The following SEMA3C variants were observed in gnomAD, a reference collection of about 807,000 sequenced individuals.
SEMA3C encodes semaphorin 3C, also known as semaphorin-3C.
SEMA3C carries 47 observed loss-of-function variants against 89.4 expected under a neutral mutation model. The ratio of observed to expected loss-of-function variants is 0.53; its 90% CI spans 0.42 to 0.67. SEMA3C has a LOEUF of 0.67. Ranked by LOEUF, SEMA3C falls within the 30% of genes least tolerant of loss-of-function variation. The pLI is 0.00. For missense variants in SEMA3C, 839 were observed against 929.1 expected, an observed-to-expected ratio of 0.90 and a Z score of 1.26; for synonymous variants, 310 against 320.2, an observed-to-expected ratio of 0.97 and a Z score of 0.34.
chr7:80,853,330 A>G (rs946921556), intron 2 of SEMA3C, among the ~76,000 whole-genome samples: 3 of 152,226 alleles, frequency 2.0e-5, no homozygotes, highest in African/African-American at 7.2e-5. Context: ...TGTATACAGC[A>G]GCATTATTCA....
chr7:80,799,997 C>G (rs1789162007), intron 10 of SEMA3C, among the ~76,000 whole-genome samples: 1 of 150,620 alleles, frequency 6.6e-6, no homozygotes, highest in African/African-American at 2.4e-5. Flanking sequence ...ACTAAAAATA[C>G]AAAAAATTAG....
intron 2 of SEMA3C, among the ~76,000 whole-genome samples, chr7:80,839,882 C>T (rs1270091518): frequency 6.6e-6 from 1 of 151,920 alleles, no homozygotes; most frequent in Non-Finnish European, 1.5e-5. Flanking sequence ...CTTAAAGCAA[C>T]ATTTAACACT....
chr7:80,919,114 G>A, upstream of SEMA3C: 4 of 984,876 alleles, frequency 4.1e-6, no homozygotes, highest in Non-Finnish European at 4.8e-6. Flanking sequence ...GCGCCGCGGC[G>A]CGCGGCTCCG....
At chr7:80,846,604 T>C (rs1049749286) in intron 2 of SEMA3C, among the ~76,000 whole-genome samples, 1 of 152,168 alleles carries the variant, frequency 6.6e-6, no homozygotes, top group African/African-American at 2.4e-5. Flanking sequence ...GTGCTGAGAT[T>C]ACAGGTGTGA....
chr7:80,809,715 A>G (rs888342303), intron 6 of SEMA3C, among the ~76,000 whole-genome samples: 2 of 152,200 alleles, frequency 1.3e-5, no homozygotes, highest in Admixed American at 1.3e-4. Flanking sequence ...GTGTTCATCA[A>G]CATATGAATG....
At position 80,760,145 on chromosome 7, in the gene SEMA3C, G is replaced by A. The variant is rs1788152930; in HGVS notation, c.1485+1471C>T. On this transcript the variant is annotated intron_variant, in intron 14 of 17. Coordinates refer to ENST00000265361, the MANE Select transcript of SEMA3C (RefSeq NM_006379.5). ...CTCTCGCACTGAAAAAAATGATGCA[G>A]TATGCAGTTGTACAAATGATTTCCA... Among the ~76,000 whole-genome samples the A allele has an allele frequency of 1.3e-5, 2 of 152,142 alleles. 1 individual carries two copies. The highest frequency in any genetic ancestry group is 4.1e-4 in the South Asian group (2 of 4,828).
chr7:80,799,449 A>AT (rs959067366), intron 10 of SEMA3C, among the ~76,000 whole-genome samples: 6 of 152,150 alleles, frequency 3.9e-5, no homozygotes, highest in African/African-American at 1.2e-4. Context: ...TAAAAAAAAG[A>AT]TTTTTTATCT....
At chr7:80,825,903 T>C (rs114972747) in intron 4 of SEMA3C, among the ~76,000 whole-genome samples, 97 of 152,322 alleles carry the variant, frequency 6.4e-4, no homozygotes, top group African/African-American at 2.3e-3. Context: ...TCCTGGAATG[T>C]CATTGTAATG....
chr7:80,863,776 A>T (rs529713101), intron 2 of SEMA3C, among the ~76,000 whole-genome samples: 62 of 145,426 alleles, frequency 4.3e-4, no homozygotes, highest in African/African-American at 1.4e-3. Flanking sequence ...GTATTCCATC[A>T]TATATATAGT....
At chr7:80,819,245 C>T (rs1180584539) in intron 4 of SEMA3C, among the ~76,000 whole-genome samples, 3 of 151,458 alleles carry the variant, frequency 2.0e-5, no homozygotes, top group Non-Finnish European at 4.4e-5. Context: ...ATGGCTTATT[C>T]CACTGATTTA....
At chr7:80,835,357 C>T (rs537596564) in intron 2 of SEMA3C, among the ~76,000 whole-genome samples, 21 of 152,252 alleles carry the variant, frequency 1.4e-4, no homozygotes, top group African/African-American at 4.1e-4. Context: ...TCCATCAAAA[C>T]ATTCTTCTCA....
chr7:80,905,984 CT>C, intron 2 of SEMA3C: 4 of 928,632 alleles, frequency 4.3e-6, no homozygotes, highest in Non-Finnish European at 6.0e-6. Flanking sequence ...AATAAAACCT[CT>C]TTGTAAGGAA....
chr7:80,811,863 G>A (rs187634613), intron 5 of SEMA3C, among the ~76,000 whole-genome samples: 13 of 152,232 alleles, frequency 8.5e-5, no homozygotes, highest in African/African-American at 3.1e-4. Flanking sequence ...AAGAGCAGCA[G>A]AGATGTAAGA....
chr7:80,858,262 T>C (rs1016407918), intron 2 of SEMA3C, among the ~76,000 whole-genome samples: 4 of 152,152 alleles, frequency 2.6e-5, no homozygotes, highest in Non-Finnish European at 4.4e-5. Flanking sequence ...TCAAAATGCA[T>C]ACTTTAAAAA....
intron 2 of SEMA3C, among the ~76,000 whole-genome samples, chr7:80,875,985 T>C (rs1791192334): frequency 6.6e-6 from 1 of 152,060 alleles, no homozygotes; most frequent in Non-Finnish European, 1.5e-5. Flanking sequence ...CACCTCAAAC[T>C]GCAAAACTTA....
intron 2 of SEMA3C, among the ~76,000 whole-genome samples, chr7:80,873,409 AATG>A (rs566028475): frequency 2.1e-3 from 327 of 152,272 alleles, no homozygotes; most frequent in Non-Finnish European, 3.8e-3. Context: ...TGATGATGAC[AATG>A]ATGATGACGA....
chr7:80,901,765 C>T (rs1222005089), intron 2 of SEMA3C, among the ~76,000 whole-genome samples: 1 of 152,184 alleles, frequency 6.6e-6, no homozygotes, highest in Non-Finnish European at 1.5e-5. Flanking sequence ...CAATGAGTAA[C>T]ATGTGTGTCT....
intron 2 of SEMA3C, among the ~76,000 whole-genome samples, chr7:80,893,487 T>A (rs1428502484): frequency 2.0e-5 from 3 of 152,192 alleles, no homozygotes; most frequent in Non-Finnish European, 4.4e-5. Context: ...CAACACTGAT[T>A]GCTAATAATA....
chr7:80,797,029 G>C (rs930798122), intron 11 of SEMA3C, among the ~76,000 whole-genome samples: 1 of 152,002 alleles, frequency 6.6e-6, no homozygotes, highest in Admixed American at 6.5e-5. Flanking sequence ...ATAATTATTT[G>C]GAAGAATATT....
Sources: allele counts gnomAD v4.1 joint callset (sites outside exome capture counted in the v4.1 genomes callset), GRCh38; gene constraint gnomAD v4.1.1; transcripts MANE v1.5; gene names NCBI Gene and HGNC (gene_info 2026-07-23, HGNC 2026-07-21).